The following SEMA4D variants were observed in gnomAD, a reference collection of about 807,000 sequenced individuals.
SEMA4D encodes semaphorin 4D.
Under a neutral mutation model 74.8 loss-of-function variants are expected in SEMA4D, and 22 were observed. The observed-to-expected ratio is 0.29, with a 90% CI of 0.21 to 0.42. The LOEUF (loss-of-function observed/expected upper bound fraction) is 0.42, where lower values mean the gene tolerates loss of function less well. SEMA4D is among the 10% of genes least tolerant of loss of function. The probability of loss-of-function intolerance (pLI) is 1.00; values close to 1 mark genes in which losing one functional copy is unlikely to be tolerated. For missense variants in SEMA4D, 937 were observed against 1,118.4 expected, an observed-to-expected ratio of 0.84 and a Z score of 2.31; for synonymous variants, 445 against 463.7, an observed-to-expected ratio of 0.96 and a Z score of 0.52.
rs753867516 is a variant in SEMA4D, at chr9:89,379,061, AAAG to A, written c.2229_2231del (p.Phe744del). ...AGAAAAAGAGGCAGAGGAAGAGAAC[AAAG>A]AAGAAGAGGAAGAGGGACATGAGGA... On this transcript the variant is annotated inframe_deletion, in exon 16 of 16. Coordinates refer to ENST00000422704, the MANE Select transcript of SEMA4D (RefSeq NM_001371194.2). 5.0e-6 allele frequency: 8 copies of A among 1,613,444 alleles called. No individual in the cohort carries two copies. The highest frequency in any genetic ancestry group is 2.2e-5 in the East Asian group (1 of 44,884).
chr9:89,449,929 C>G lies in SEMA4D; in HGVS notation c.-244+5959G>C, dbSNP rs542836010. On this transcript the variant is annotated intron_variant, in intron 2 of 15. Coordinates refer to ENST00000422704, the MANE Select transcript of SEMA4D (RefSeq NM_001371194.2). Reference sequence around the variant, plus strand: ...GGCTTCATCACTAATGTAGCTCGTACTTTTCTGACTGATGTAGCTCAGGGG... The same window carrying G: ...GGCTTCATCACTAATGTAGCTCGTAGTTTTCTGACTGATGTAGCTCAGGGG... The G allele has an allele frequency of 2.9e-5, 43 of 1,471,442 alleles. 1 individual carries two copies. In the South Asian group the frequency reaches 4.8e-4, roughly 16 times the overall value. The allele number at this position is 1,471,442 out of a possible 1,614,324, so 91.1% of individuals were successfully genotyped here. A position where few individuals can be genotyped will look rare whatever the true frequency, so the allele number is the denominator to read the frequency against.
rs1836388891 is a variant in SEMA4D at position 89,379,090 on chromosome 9, G to C, written c.2203C>G (p.Leu735Val). Residue 735 changes from leucine (L) to valine (V), a missense_variant, in exon 16 of 16, where the codon CTC (leucine) becomes GTC (valine). Leu to Val is a conservative substitution (Grantham distance 32). Coordinates refer to ENST00000422704, the MANE Select transcript of SEMA4D (RefSeq NM_001371194.2). ...TMYLKSSDNR[L>V]LMSLFLFFFV... The stretch of plus-strand genomic sequence containing the variant: ...AAGAAGAGGAAGAGGGACATGAGGA[G>C]GCGGTTGTCGCTGGACTTAAGATAC... 6.2e-7 allele frequency: 1 copy of C among 1,614,148 alleles called. No homozygotes were observed. The highest frequency in any genetic ancestry group is 1.3e-5 in the African/African-American group (1 of 75,052).
chr9:89,363,929 A>G, exon 17 of SEMA4D: 1 of 1,614,080 alleles, frequency 6.2e-7, no homozygotes. Context: ...CTTCTCCCAG[A>G]CAAAGCGAAT....
At chr9:89,377,183 C>A, downstream of SEMA4D, 1 of 1,365,780 alleles carries the variant, frequency 7.3e-7, no homozygotes, top group Non-Finnish European at 9.6e-7. Flanking sequence ...CCGCCTGGGC[C>A]ATGCAGGGGC....
downstream of SEMA4D, among the ~76,000 whole-genome samples, chr9:89,373,300 C>T (rs549275944): frequency 5.9e-5 from 9 of 152,328 alleles, no homozygotes; most frequent in South Asian, 2.1e-4. Flanking sequence ...TTTCAGGAAG[C>T]GCTTTGGCCT....
intron 2 of SEMA4D, among the ~76,000 whole-genome samples, chr9:89,452,173 G>GT (rs1362131550): frequency 6.6e-4 from 41 of 62,356 alleles, no homozygotes; most frequent in African/African-American, 2.5e-3. Context: ...TCCTGTCTTG[G>GT]TTTTTTTTGT....
rs1288989159 is a variant in SEMA4D, at chr9:89,378,691, T to C, written c.*13A>G. The stretch of plus-strand genomic sequence containing the variant: ...GTCGCAGCCGAGGCACCAGCGGGGA[T>C]GCACAGCCGGCCTCAGTCTCCATCT... On this transcript the variant is annotated 3_prime_UTR_variant, in exon 16 of 16. Coordinates refer to ENST00000422704, the MANE Select transcript of SEMA4D (RefSeq NM_001371194.2). The C allele has an allele frequency of 1.2e-6, 2 of 1,606,050 alleles. No individual in the cohort carries two copies. The highest frequency in any genetic ancestry group is 1.3e-5 in the African/African-American group (1 of 74,890).
intron 1 of SEMA4D, among the ~76,000 whole-genome samples, chr9:89,468,435 G>C (rs1859309215): frequency 6.6e-6 from 1 of 152,162 alleles, no homozygotes; most frequent in African/African-American, 2.4e-5. Flanking sequence ...GCTGACAACA[G>C]AGCGTTCAGA....
At position 89,480,607 on chromosome 9, in the gene SEMA4D, G is replaced by A. The variant is rs185452281; in HGVS notation, c.-310+17312C>T. On this transcript the variant is annotated intron_variant, in intron 1 of 15. Coordinates refer to ENST00000422704, the MANE Select transcript of SEMA4D (RefSeq NM_001371194.2). The stretch of plus-strand genomic sequence containing the variant: ...CCGGTGAGAAATCGAGCACAGCGCC[G>A]GTGGGCCAGCACTGCTGGGGGACTC... 6.6e-3 allele frequency among the ~76,000 whole-genome samples: 1,010 copies of A among 152,334 alleles called. 10 individuals carry two copies. Among genetic ancestry groups the A allele is most frequent in the Non-Finnish European group, 6.9e-3 (470 of 68,020 alleles).
chr9:89,362,174 C>T (rs2132158583), exon 19 of SEMA4D: 2 of 631,216 alleles, frequency 3.2e-6, no homozygotes, highest in Non-Finnish European at 5.6e-6. Flanking sequence ...CAGGTAAGCA[C>T]CTAATTTTTT....
In SEMA4D at chr9:89,388,936, C is replaced by T. The variant is rs777962616; in HGVS notation, c.886G>A (p.Val296Ile). The T allele has an allele frequency of 1.2e-6, 2 of 1,614,166 alleles. No homozygotes were observed. Among genetic ancestry groups the T allele is most frequent in the Non-Finnish European group, 1.7e-6 (2 of 1,180,026 alleles). The change falls in exon 10 of 16, where the codon GTC becomes ATC. Residue 296 changes from valine (V) to isoleucine (I), a missense_variant. Transcript: ENST00000422704. ...SGLVFNVLRD[V>I]FVLRSPGLKV... ...AGGCCCGGGGACCTGAGCACGAAGA[C>T]ATCCCGCAGCACATTGAAGACCAAG...
chr9:89,409,067 C>G (rs1281827527), intron 2 of SEMA4D, among the ~76,000 whole-genome samples: 1 of 152,190 alleles, frequency 6.6e-6, no homozygotes, highest in Non-Finnish European at 1.5e-5. Context: ...CAAACCGCTA[C>G]ATCCAGACAG....
At chr9:89,491,310 C>T (rs941570119) in intron 1 of SEMA4D, among the ~76,000 whole-genome samples, 3 of 152,196 alleles carry the variant, frequency 2.0e-5, no homozygotes, top group African/African-American at 7.2e-5. Flanking sequence ...TGGCTCACAC[C>T]TGTAATCCCA....
intron 2 of SEMA4D, among the ~76,000 whole-genome samples, chr9:89,426,791 C>T (rs1848217169): frequency 6.6e-6 from 1 of 152,194 alleles, no homozygotes; most frequent in Non-Finnish European, 1.5e-5. Context: ...GACTCTCCTA[C>T]ATCTTAACCA....
intron 16 of SEMA4D, among the ~76,000 whole-genome samples, chr9:89,371,770 T>C (rs1485178078): frequency 1.0e-4 from 4 of 39,796 alleles, no homozygotes; most frequent in Non-Finnish European, 1.4e-4. Context: ...GTGTGGGGGG[T>C]GTGGTGTGTG....
At chr9:89,371,710 CTG>C (rs1491145274) in intron 16 of SEMA4D, among the ~76,000 whole-genome samples, 1 of 39,644 alleles carries the variant, frequency 2.5e-5, no homozygotes, top group Non-Finnish European at 4.3e-5. Context: ...TGGGATGTGT[CTG>C]GGGTGTGGTG....
intron 2 of SEMA4D, among the ~76,000 whole-genome samples, chr9:89,447,462 C>T (rs1202793841): frequency 6.6e-6 from 1 of 152,032 alleles, no homozygotes; most frequent in Non-Finnish European, 1.5e-5. Flanking sequence ...TAAGTCTTTC[C>T]AATGGCTCAG....
downstream of SEMA4D, chr9:89,377,008 C>CAGGGAAG (rs763277721): frequency 1.2e-5 from 19 of 1,545,546 alleles, no homozygotes; most frequent in South Asian, 2.3e-4. Flanking sequence ...CCAGACAGGA[C>CAGGGAAG]AGGGAAGAGG....
At chr9:89,366,487 T>G (rs370827145) in intron 16 of SEMA4D, among the ~76,000 whole-genome samples, 1 of 152,224 alleles carries the variant, frequency 6.6e-6, no homozygotes, top group African/African-American at 2.4e-5. Context: ...CAAGCCCTTG[T>G]GAACAGGTTT....
Sources: allele counts gnomAD v4.1 joint callset (sites outside exome capture counted in the v4.1 genomes callset), GRCh38; gene constraint gnomAD v4.1.1; transcripts MANE v1.5; gene names NCBI Gene and HGNC (gene_info 2026-07-23, HGNC 2026-07-21).